Variants in RAC1 observed in about 807,000 individuals in gnomAD.
The protein encoded by RAC1 is ras-related C3 botulinum toxin substrate 1.
In RAC1, 2 loss-of-function variants were observed where a neutral mutation model predicts 25.2. The ratio of observed to expected loss-of-function variants is 0.08; its 90% CI spans 0.03 to 0.25. The LOEUF (loss-of-function observed/expected upper bound fraction) is 0.25. Among genes scored for constraint, RAC1 ranks in the 10% least tolerant of loss-of-function variants. The pLI is 1.00. For missense variants in RAC1, 50 were observed against 235.7 expected (o/e 0.21, Z 5.16); for synonymous variants, 88 against 94.0 (o/e 0.94, Z 0.37).
chr7:6,376,429 C>G (rs1191950776), intron 1 of RAC1, among the ~76,000 whole-genome samples: 1 of 151,730 alleles, frequency 6.6e-6, no homozygotes, highest in East Asian at 1.9e-4. Flanking sequence ...GGTGATCCAC[C>G]CGCCTGGGTC....
In RAC1 at chr7:6,392,055, C is replaced by T. The variant is rs749258384; in HGVS notation, c.225+14C>T. ...TATCCGCAAACAGTAAGGATTGCAG[C>T]TGACTTTTAATGTGTCTTTTAGAGT... On this transcript the variant is annotated intron_variant, in intron 3 of 5. Transcript: ENST00000348035. 1 of 1,614,090 alleles carries T rather than the reference C, an allele frequency of 6.2e-7. No homozygotes were observed. Among genetic ancestry groups the T allele is most frequent in the East Asian group, 2.2e-5 (1 of 44,880 alleles).
intron 1 of RAC1, among the ~76,000 whole-genome samples, chr7:6,378,319 G>A (rs1161338186): frequency 1.3e-5 from 2 of 152,152 alleles, no homozygotes; most frequent in Admixed American, 1.3e-4. Context: ...GCCGAGGCAG[G>A]CGGATCACCT....
intron 1 of RAC1, among the ~76,000 whole-genome samples, chr7:6,385,439 C>A (rs1353535859): frequency 6.6e-6 from 1 of 152,164 alleles, no homozygotes; most frequent in African/African-American, 2.4e-5. Flanking sequence ...ACAGCCAGTA[C>A]GTGCTAGAAT....
intron 1 of RAC1, among the ~76,000 whole-genome samples, chr7:6,386,397 A>G (rs974557468): frequency 8.5e-5 from 13 of 152,148 alleles, no homozygotes; most frequent in Non-Finnish European, 1.8e-4. Context: ...GGGAGGCTGT[A>G]GGGATGTGGT....
chr7:6,397,389 G>A (rs1028073641), intron 3 of RAC1, among the ~76,000 whole-genome samples: 5 of 151,898 alleles, frequency 3.3e-5, no homozygotes, highest in Non-Finnish European at 7.4e-5. Context: ...CCACCTCCCG[G>A]GTTCAAGCAG....
intron 1 of RAC1, among the ~76,000 whole-genome samples, chr7:6,386,863 G>C (rs1389627652): frequency 6.6e-6 from 1 of 151,892 alleles, no homozygotes; most frequent in Non-Finnish European, 1.5e-5. Context: ...TTGATGAGAG[G>C]CTCTACAGAT....
chr7:6,383,028 C>T (rs1782815597), intron 1 of RAC1, among the ~76,000 whole-genome samples: 1 of 152,198 alleles, frequency 6.6e-6, no homozygotes, highest in African/African-American at 2.4e-5. Context: ...GTAGAAATGG[C>T]ATGAACTTTC....
chr7:6,392,130 A>G (rs1483663259), intron 3 of RAC1, 89 bp downstream of exon 3: 1 of 1,585,758 alleles, frequency 6.3e-7, no homozygotes, highest in Non-Finnish European at 8.6e-7. Flanking sequence ...GGACTTGCTT[A>G]TATTGCCATC....
intron 1 of RAC1, among the ~76,000 whole-genome samples, chr7:6,385,658 A>G (rs946871355): frequency 6.6e-5 from 10 of 152,222 alleles, no homozygotes; most frequent in African/African-American, 2.4e-4. Flanking sequence ...ACTTTTGTTA[A>G]GCCCTCAATA....
intron 3 of RAC1, among the ~76,000 whole-genome samples, chr7:6,399,367 T>C (rs1200716603): frequency 1.3e-5 from 2 of 152,258 alleles, no homozygotes; most frequent in Non-Finnish European, 2.9e-5. Flanking sequence ...TTTAGAAATC[T>C]AGCATTTTAG....
At chr7:6,389,991 T>A in intron 2 of RAC1, among the ~76,000 whole-genome samples, 1 of 99,734 alleles carries the variant, frequency 1.0e-5, no homozygotes, top group Non-Finnish European at 2.0e-5. Flanking sequence ...TCCCTCCTCC[T>A]CTCCCTCCCT....
chr7:6,395,511 G>C (rs1198613763), intron 3 of RAC1, among the ~76,000 whole-genome samples: 1 of 152,160 alleles, frequency 6.6e-6, no homozygotes, highest in Non-Finnish European at 1.5e-5. Flanking sequence ...ACTCTTACTG[G>C]CCGGGAGCAG....
intron 2 of RAC1, 71 bp from the exon 3 acceptor site, chr7:6,391,853 T>G: frequency 6.2e-7 from 1 of 1,605,884 alleles, no homozygotes; most frequent in Non-Finnish European, 8.5e-7. Context: ...TTGGCACACC[T>G]TCTCTAGGAT....
rs183446249 is a variant in RAC1, at chr7:6,390,554, C to T, written c.108-1370C>T. 7.1e-3 allele frequency among the ~76,000 whole-genome samples: 1,081 copies of T among 151,258 alleles called. 18 individuals are homozygous for T. The highest frequency in any genetic ancestry group is 0.025 in the African/African-American group (1,034 of 41,168). ...GGTGGAGGTTGCAGTGAGCCGAGAT[C>T]GCACCACTGCACTCCAGCCTGGGTG... On this transcript the variant is annotated intron_variant, in intron 2 of 5. Coordinates refer to ENST00000348035, the MANE Select transcript of RAC1 (RefSeq NM_006908.5).
chr7:6,385,866 G>A (rs762989710), intron 1 of RAC1, among the ~76,000 whole-genome samples: 3 of 152,188 alleles, frequency 2.0e-5, no homozygotes, highest in Non-Finnish European at 4.4e-5. Context: ...AGAGAGAAGG[G>A]CTCATTAAGG....
At chr7:6,400,886 G>A (rs563626728) in intron 4 of RAC1, among the ~76,000 whole-genome samples, 19 of 152,222 alleles carry the variant, frequency 1.2e-4, no homozygotes, top group Admixed American at 5.9e-4. Context: ...CGTCAGTCAG[G>A]CTGGTCTCGA....
Position 6,403,956 on chromosome 7 carries a change from C to T in RAC1, c.*1510C>T, listed in dbSNP as rs183171680. On this transcript the variant is annotated 3_prime_UTR_variant, in exon 6 of 6. Coordinates refer to ENST00000348035, the MANE Select transcript of RAC1 (RefSeq NM_006908.5). ...GTTTTGCATGTATGACTTAATAAAT[C>T]CTTGAATCATACGACTGGTAATACT... The T allele has an allele frequency of 1.1e-3, 226 of 210,852 alleles. No homozygotes were observed. Among genetic ancestry groups the T allele is most frequent in the African/African-American group, 4.6e-3 (201 of 44,152 alleles). 13.1% of individuals were successfully genotyped at this position (210,852 alleles called of 1,614,324 possible). A position where few individuals can be genotyped will look rare whatever the true frequency, so the allele number is the denominator to read the frequency against.
chr7:6,392,716 T>TTG (rs1333372211), intron 3 of RAC1, among the ~76,000 whole-genome samples: 1 of 152,240 alleles, frequency 6.6e-6, no homozygotes, highest in Non-Finnish European at 1.5e-5. Context: ...GCGGTTTTAC[T>TTG]TGTGTATCAT....
intron 1 of RAC1, among the ~76,000 whole-genome samples, chr7:6,382,545 C>T (rs1346395596): frequency 1.3e-5 from 2 of 152,038 alleles, no homozygotes; most frequent in Non-Finnish European, 2.9e-5. Flanking sequence ...CTAAAGTTTA[C>T]CCTACTCTCC....
Sources: allele counts gnomAD v4.1 joint callset (sites outside exome capture counted in the v4.1 genomes callset), GRCh38; gene constraint gnomAD v4.1.1; transcripts MANE v1.5; gene names NCBI Gene and HGNC (gene_info 2026-07-23, HGNC 2026-07-21).